DRP2: variants seen among roughly 807,000 people sequenced by gnomAD.
The protein encoded by DRP2 is dystrophin-related protein 2.
Under a neutral mutation model 78.2 loss-of-function variants are expected in DRP2, and 29 were observed. That is an observed-to-expected ratio of 0.37 (90% CI 0.28 to 0.51). The LOEUF (loss-of-function observed/expected upper bound fraction) is 0.51. Among genes scored for constraint, DRP2 ranks in the 20% least tolerant of loss-of-function variants. DRP2 has a pLI of 0.94. For synonymous variants in DRP2, 290 were observed against 281.9 expected, an observed-to-expected ratio of 1.03 and a Z score of -0.29; for missense variants, 686 against 770.6, an observed-to-expected ratio of 0.89 and a Z score of 1.30.
At chrX:101,251,245 A>G (rs1923132472) in intron 16 of DRP2, 162 bp downstream of exon 16, 5 of 500,825 alleles carry the variant, frequency 1.0e-5, no homozygotes, top group South Asian at 5.6e-5. Flanking sequence ...CAGAATGTTT[A>G]ATTGTTTTTA....
intron 1 of DRP2, among the ~76,000 whole-genome samples, chrX:101,220,479 T>C (rs1921857171): frequency 9.1e-6 from 1 of 109,892 alleles, no homozygotes; most frequent in Admixed American, 9.8e-5. Context: ...TAAAAATGAA[T>C]AAGAAGGAGG....
rs776578565 is a variant in DRP2, at chrX:101,255,262, A to G, written c.2246+13A>G. ...CAGATGACAGCATGTGAGTTTCCAC[A>G]GCTGCTTATTTGCCAGAAATAGTTC... On this transcript the variant is annotated intron_variant, in intron 20 of 23. Coordinates refer to ENST00000395209, the MANE Select transcript of DRP2 (RefSeq NM_001939.3). 31 of 1,203,264 alleles carry G rather than the reference A, an allele frequency of 2.6e-5. No individual in the cohort carries two copies. The highest frequency in any genetic ancestry group is 3.1e-5 in the Non-Finnish European group (28 of 889,706).
intron 1 of DRP2, among the ~76,000 whole-genome samples, chrX:101,224,195 T>G (rs868433054): frequency 3.3e-5 from 2 of 61,213 alleles, no homozygotes; most frequent in African/African-American, 1.6e-4. Context: ...TTTTTTGTTT[T>G]TTTTTTTTTT....
At chrX:101,245,878 G>A (rs188582840) in intron 11 of DRP2, among the ~76,000 whole-genome samples, 7 of 111,688 alleles carry the variant, frequency 6.3e-5, no homozygotes, top group Admixed American at 1.9e-4. Flanking sequence ...GGATTGTATC[G>A]TTAAAAATTT....
intron 2 of DRP2, among the ~76,000 whole-genome samples, chrX:101,228,499 C>A (rs1922195745): frequency 8.9e-6 from 1 of 111,733 alleles, no homozygotes; most frequent in African/African-American, 3.3e-5. Context: ...GAGAGGTTAA[C>A]TTGTCCTGGA....
At chrX:101,255,921 C>T (rs1482923596) in intron 20 of DRP2, among the ~76,000 whole-genome samples, 197 bp from the exon 21 acceptor site, 1 of 111,557 alleles carries the variant, frequency 9.0e-6, no homozygotes, top group Non-Finnish European at 1.9e-5. Flanking sequence ...AAAACACTCT[C>T]TCAATACCCC....
rs184549320 is a variant in DRP2, at chrX:101,233,465, T to C, written c.117+1701T>C. 5.9e-4 allele frequency among the ~76,000 whole-genome samples: 66 copies of C among 111,696 alleles called. 1 individual carries two copies. Among genetic ancestry groups the C allele is most frequent in the South Asian group, 1.9e-3 (5 of 2,617 alleles). On this transcript the variant is annotated intron_variant, in intron 3 of 23. Transcript: ENST00000395209. The stretch of plus-strand genomic sequence containing the variant: ...AACCCCAGAAAGAGTCAGGCAGCTG[T>C]TCCAACTATTCCTGTAGGTGGACCT...
intron 1 of DRP2, among the ~76,000 whole-genome samples, chrX:101,220,718 C>G (rs1177210920): frequency 7.2e-5 from 8 of 110,923 alleles, no homozygotes. Context: ...CTGAAGTAAA[C>G]CAGGCTCTGA....
intron 9 of DRP2, 99 bp downstream of exon 9, chrX:101,243,081 C>T: frequency 4.0e-6 from 3 of 747,124 alleles, no homozygotes; most frequent in Admixed American, 4.9e-5. Context: ...CCCAGTATAC[C>T]TTGACATCCG....
chrX:101,233,834 G>GA (rs1922392620), intron 3 of DRP2, among the ~76,000 whole-genome samples: 1 of 111,899 alleles, frequency 8.9e-6, no homozygotes. Context: ...CCTCCCCTGT[G>GA]AAAATTCAAC....
intron 10 of DRP2, 40 bp from the exon 11 acceptor site, chrX:101,245,348 G>A: frequency 8.7e-7 from 1 of 1,150,561 alleles, no homozygotes; most frequent in Non-Finnish European, 1.2e-6. Flanking sequence ...GGGTGGGTGG[G>A]TGGTATAGAT....
At chrX:101,228,140 T>C (rs773152486) in intron 2 of DRP2, among the ~76,000 whole-genome samples, 40 of 112,189 alleles carry the variant, frequency 3.6e-4, no homozygotes, top group Non-Finnish European at 1.1e-4. Context: ...TAAAATGATA[T>C]AACTTTTTCT....
At chrX:101,256,870 A>G (rs1301551119) in intron 21 of DRP2, among the ~76,000 whole-genome samples, 3 of 107,106 alleles carry the variant, frequency 2.8e-5, no homozygotes, top group Non-Finnish European at 5.8e-5. Context: ...GAATCCTTTT[A>G]ATGTAACCCA....
chrX:101,237,132 A>G (rs1922533902), intron 4 of DRP2, among the ~76,000 whole-genome samples: 1 of 111,924 alleles, frequency 8.9e-6, no homozygotes, highest in African/African-American at 3.2e-5. Flanking sequence ...GTGCATGCCT[A>G]TACTCAACCA....
chrX:101,235,075 G>T (rs368537336), intron 3 of DRP2, among the ~76,000 whole-genome samples: 1 of 110,624 alleles, frequency 9.0e-6, no homozygotes, highest in East Asian at 2.9e-4. Flanking sequence ...CCTTCCTTAG[G>T]GCTATCCGGG....
intron 2 of DRP2, among the ~76,000 whole-genome samples, chrX:101,228,668 C>T (rs1370126770): frequency 2.7e-5 from 3 of 111,294 alleles, no homozygotes; most frequent in Admixed American, 9.6e-5. Flanking sequence ...AAACACTTTG[C>T]GAGGCTGAGG....
intron 9 of DRP2, among the ~76,000 whole-genome samples, chrX:101,244,250 G>A (rs1348065636): frequency 2.7e-5 from 3 of 111,491 alleles, no homozygotes; most frequent in Non-Finnish European, 5.7e-5. Flanking sequence ...GATTATGGTG[G>A]CCCAGACTAG....
At chrX:101,260,286 G>A (rs933625718) in intron 23 of DRP2, 117 bp downstream of exon 23, 5 of 1,036,256 alleles carry the variant, frequency 4.8e-6, no homozygotes, top group African/African-American at 1.9e-5. Context: ...TGTGCTTAGG[G>A]TCAGGGATGA....
intron 1 of DRP2, among the ~76,000 whole-genome samples, chrX:101,221,061 G>A (rs1213639963): frequency 9.0e-6 from 1 of 111,689 alleles, no homozygotes; most frequent in Non-Finnish European, 1.9e-5. Flanking sequence ...AGGCCTCACA[G>A]GTGTTGGGTC....
Sources: allele counts gnomAD v4.1 joint callset (sites outside exome capture counted in the v4.1 genomes callset), GRCh38; gene constraint gnomAD v4.1.1; transcripts MANE v1.5; gene names NCBI Gene and HGNC (gene_info 2026-07-23, HGNC 2026-07-21).